The following PLEKHA5 variants were observed in gnomAD, a reference collection of about 807,000 sequenced individuals.
PLEKHA5 encodes pleckstrin homology domain-containing family A member 5.
In PLEKHA5, 55 loss-of-function variants were observed where a neutral mutation model predicts 181.9. The ratio of observed to expected loss-of-function variants is 0.30; its 90% CI spans 0.24 to 0.38. The LOEUF (loss-of-function observed/expected upper bound fraction) is 0.38. Among genes scored for constraint, PLEKHA5 ranks in the 10% least tolerant of loss-of-function variants. The pLI, the probability that PLEKHA5 is intolerant of heterozygous loss-of-function variation, is 1.00. For synonymous variants in PLEKHA5, 535 were observed against 529.4 expected, an observed-to-expected ratio of 1.01 and a Z score of -0.15; for missense variants, 1,432 against 1,549.5, an observed-to-expected ratio of 0.92 and a Z score of 1.27.
intron 27 of PLEKHA5, 123 bp from the exon 28 acceptor site, chr12:19,359,289 A>G: frequency 1.3e-6 from 1 of 762,148 alleles, no homozygotes; most frequent in Non-Finnish European, 2.1e-6. Context: ...TAGTTTTCAT[A>G]GGAAAACTTC....
intron 15 of PLEKHA5, among the ~76,000 whole-genome samples, chr12:19,298,616 G>A (rs184426571): frequency 1.3e-4 from 20 of 151,648 alleles, no homozygotes; most frequent in South Asian, 2.1e-4. Context: ...TGATCCACCC[G>A]CCTCAGCCTC....
At chr12:19,220,636 AT>A (rs1460824358) in intron 3 of PLEKHA5, among the ~76,000 whole-genome samples, 3 of 152,152 alleles carry the variant, frequency 2.0e-5, no homozygotes, top group African/African-American at 4.8e-5. Flanking sequence ...GGTTGATTCC[AT>A]TTTTTGTGCT....
chr12:19,147,972 C>T lies in PLEKHA5; in HGVS notation c.227+15522C>T, dbSNP rs570509390. Among the ~76,000 whole-genome samples, 20 of 152,110 alleles carry T rather than the reference C, an allele frequency of 1.3e-4. No individual in the cohort carries two copies. In the South Asian group the frequency reaches 3.5e-3, roughly 27 times the overall value. ...GGTTGATCTCGAACTCCTGGGCCCA[C>T]GCCATTCTCTTGCCTTGGCCTCCCA... On this transcript the variant is annotated intron_variant, in intron 3 of 31. Coordinates refer to ENST00000429027, the MANE Select transcript of PLEKHA5 (RefSeq NM_001256470.2).
At position 19,238,637 on chromosome 12, in the gene PLEKHA5, G is replaced by C. The variant is rs1375815166; in HGVS notation, c.228-15303G>C. On this transcript the variant is annotated intron_variant, in intron 3 of 31. Transcript: ENST00000429027. Reference sequence around the variant, plus strand: ...TAAGTCTGTATTTTAAACTTAATCGGTAAGTTACTGTGGTGATGATGAATT... The same window carrying C: ...TAAGTCTGTATTTTAAACTTAATCGCTAAGTTACTGTGGTGATGATGAATT... Among the ~76,000 whole-genome samples, 13 of 152,126 alleles carry C rather than the reference G, an allele frequency of 8.5e-5. No homozygotes were observed. In the East Asian group the frequency reaches 9.7e-4, roughly 11 times the overall value.
intron 20 of PLEKHA5, among the ~76,000 whole-genome samples, chr12:19,324,097 A>G (rs921433178): frequency 1.3e-5 from 2 of 152,160 alleles, no homozygotes; most frequent in African/African-American, 4.8e-5. Flanking sequence ...TGTACCTTCA[A>G]TGGGCTAGGG....
At position 19,145,733 on chromosome 12, in the gene PLEKHA5, A is replaced by G. The variant is rs182646397; in HGVS notation, c.227+13283A>G. Among the ~76,000 whole-genome samples the G allele has an allele frequency of 7.0e-4, 106 of 152,182 alleles. No homozygotes were observed. The Middle Eastern group carries it at 0.01, about 15-fold the overall frequency. Reference sequence around the variant, plus strand: ...ATGATAGTGAACCAATTTAAACAGAATCTTTGTGGTCACATGCAAATATTT... The same window carrying G: ...ATGATAGTGAACCAATTTAAACAGAGTCTTTGTGGTCACATGCAAATATTT... On this transcript the variant is annotated intron_variant, in intron 3 of 31. Transcript: ENST00000429027.
chr12:19,153,713 C>G (rs1479565790), intron 3 of PLEKHA5: 1 of 152,148 alleles, frequency 6.6e-6, no homozygotes, highest in African/African-American at 2.4e-5. Flanking sequence ...CAGTATCATA[C>G]AGAATAGTTT....
intron 3 of PLEKHA5, among the ~76,000 whole-genome samples, chr12:19,183,613 G>A (rs1388592110): frequency 1.3e-5 from 2 of 152,190 alleles, no homozygotes; most frequent in Non-Finnish European, 2.9e-5. Flanking sequence ...GATTGAGTTA[G>A]TTGTTCTCAG....
chr12:19,130,293 C>T lies in PLEKHA5; in HGVS notation c.169+163C>T, dbSNP rs2033150515. Among the ~76,000 whole-genome samples the T allele has an allele frequency of 6.6e-6, 1 of 151,902 alleles. No homozygotes were observed. The highest frequency in any genetic ancestry group is 1.5e-5 in the Non-Finnish European group (1 of 67,928). Reference sequence around the variant, plus strand: ...CGCAGGTAGAGGGGCCACGGGGACTCCGCCGCCGGGAGTTCTCTCCAGTCT... The same window carrying T: ...CGCAGGTAGAGGGGCCACGGGGACTTCGCCGCCGGGAGTTCTCTCCAGTCT... On this transcript the variant is annotated intron_variant, in intron 2 of 31. Transcript: ENST00000429027. The surrounding 1 kb of genome is among the most constrained non-coding windows in gnomAD (Gnocchi z 4.5).
chr12:19,274,717 T>C lies in PLEKHA5; in HGVS notation c.1047T>C (p.Ser349=), dbSNP rs137978911. The C allele has an allele frequency of 8.1e-6, 13 of 1,613,946 alleles. No individual in the cohort carries two copies. Among genetic ancestry groups the C allele is most frequent in the African/African-American group, 5.3e-5 (4 of 74,900 alleles). The change falls in exon 11 of 32, where the codon AGT becomes AGC. Residue 349 remains serine, a synonymous_variant. Transcript: ENST00000429027. ...GQDRPLTKIN[S]VKLNSLPSEY... The stretch of plus-strand genomic sequence containing the variant: ...ATAGACCCTTAACAAAAATTAATAG[T>C]GTAAAGCTGAATTCTCTGCCATCTG...
intron 3 of PLEKHA5, among the ~76,000 whole-genome samples, chr12:19,204,764 C>G (rs750499644): frequency 3.9e-5 from 6 of 152,018 alleles, no homozygotes; most frequent in Non-Finnish European, 8.8e-5. Context: ...TTAATAAATA[C>G]ATTGAACATT....
In PLEKHA5 at chr12:19,280,036, GTTTTTTTTTTTTT is replaced by G. The variant is rs869050795; in HGVS notation, c.1314-3227_1314-3215del. Among the ~76,000 whole-genome samples the G allele has an allele frequency of 2.2e-3, 119 of 54,506 alleles. 1 individual carries two copies. The Admixed American group carries it at 0.023, about 11-fold the overall frequency. 35.8% of individuals were successfully genotyped at this position (54,506 alleles called of 152,430 possible). On this transcript the variant is annotated intron_variant, in intron 11 of 31. Coordinates refer to ENST00000429027, the MANE Select transcript of PLEKHA5 (RefSeq NM_001256470.2). ...CACTTAATTCATCACAATGAAACCT[GTTTTTTTTTTTTT>G]TTTTTTTTTTTTTTTTGGAGACAGG...
chr12:19,194,709 A>G (rs1044633476), intron 3 of PLEKHA5, among the ~76,000 whole-genome samples: 1 of 152,234 alleles, frequency 6.6e-6, no homozygotes, highest in Non-Finnish European at 1.5e-5. Flanking sequence ...AAATTTCTGC[A>G]TAAGAGGCAC....
At chr12:19,277,114 A>G (rs1167026719) in intron 11 of PLEKHA5, among the ~76,000 whole-genome samples, 1 of 152,174 alleles carries the variant, frequency 6.6e-6, no homozygotes, top group East Asian at 1.9e-4. Context: ...ATAAATTAAT[A>G]CAATGTGATT....
intron 3 of PLEKHA5, chr12:19,150,876 G>A (rs2040217368): frequency 6.6e-6 from 1 of 152,232 alleles, no homozygotes; most frequent in African/African-American, 2.4e-5. Context: ...TTGTTGAAAT[G>A]TTGAACTGTT....
At chr12:19,273,719 G>A (rs774827625) in intron 10 of PLEKHA5, among the ~76,000 whole-genome samples, 6 of 152,132 alleles carry the variant, frequency 3.9e-5, no homozygotes, top group Admixed American at 1.3e-4. Flanking sequence ...TGCTGTTAAC[G>A]AGCTCATTCT....
rs143509666 is a variant in PLEKHA5, at chr12:19,349,216, G to A, written c.3019+697G>A. 6.4e-3 allele frequency among the ~76,000 whole-genome samples: 976 copies of A among 151,890 alleles called. 9 individuals are homozygous for A. The highest frequency in any genetic ancestry group is 0.022 in the African/African-American group (921 of 41,428). ...ACTGTAGCCTCGACCTCCCAGACTC[G>A]GTGATCCTCTCACTTCAGCCTTCCA... On this transcript the variant is annotated intron_variant, in intron 25 of 31. Transcript: ENST00000429027.
At chr12:19,186,981 C>T (rs756460647) in intron 3 of PLEKHA5, among the ~76,000 whole-genome samples, 15 of 152,094 alleles carry the variant, frequency 9.9e-5, no homozygotes, top group Non-Finnish European at 2.2e-4. Context: ...ATGACTCTAA[C>T]CACCTATGGC....
chr12:19,196,612 C>T (rs990328460), intron 3 of PLEKHA5, among the ~76,000 whole-genome samples: 3 of 152,114 alleles, frequency 2.0e-5, no homozygotes, highest in Non-Finnish European at 4.4e-5. Flanking sequence ...CATTTCCTAG[C>T]AGAGAAACCC....
Sources: gnomAD v4.1 joint callset for allele counts (sites outside exome capture counted in the v4.1 genomes callset) on GRCh38, gnomAD v4.1.1 for gene constraint, Gnocchi (gnomAD v3.1) non-coding constraint, MANE v1.5 for transcripts, NCBI Gene and HGNC (gene_info 2026-07-23, HGNC 2026-07-21) for gene names.